The following ABL1 variants were observed in gnomAD, a reference collection of about 807,000 sequenced individuals.
ABL1 encodes the protein tyrosine-protein kinase ABL1.
ABL1 carries 11 observed loss-of-function variants against 94.7 expected under a neutral mutation model. The ratio of observed to expected loss-of-function variants is 0.12; its 90% CI spans 0.07 to 0.19. The LOEUF is 0.19. Among genes scored for constraint, ABL1 ranks in the 10% least tolerant of loss-of-function variants. The probability of loss-of-function intolerance (pLI) is 1.00; values close to 1 mark genes in which losing one functional copy is unlikely to be tolerated. For synonymous variants in ABL1, 656 were observed against 622.4 expected, an observed-to-expected ratio of 1.05 and a Z score of -0.80; for missense variants, 1,082 against 1,489.4, an observed-to-expected ratio of 0.73 and a Z score of 4.50.
At chr9:130,867,768 C>T (rs1397048820) in intron 4 of ABL1, among the ~76,000 whole-genome samples, 3 of 152,214 alleles carry the variant, frequency 2.0e-5, no homozygotes, top group African/African-American at 4.8e-5. Flanking sequence ...CCAGGTTGCA[C>T]TTGCTCTTGC....
chr9:130,713,499 C>T (rs1026492340), exon 1 of ABL1, among the ~76,000 whole-genome samples: 2 of 150,542 alleles, frequency 1.3e-5, no homozygotes, highest in African/African-American at 4.9e-5. Flanking sequence ...CAAGCCGCCC[C>T]TTATTCCGGA....
chr9:130,855,188 C>T, intron 3 of ABL1, 92 bp downstream of exon 3: 2 of 1,399,626 alleles, frequency 1.4e-6, no homozygotes, highest in African/African-American at 2.9e-5. Context: ...CAAGAAAGCT[C>T]AACCAAGAAG....
chr9:130,731,656 A>C (rs1456442781), intron 1 of ABL1, among the ~76,000 whole-genome samples: 3 of 152,276 alleles, frequency 2.0e-5, no homozygotes, highest in Middle Eastern at 3.4e-3. Flanking sequence ...ACAATGTATT[A>C]CTGTAGCTTT....
chr9:130,875,522 GT>G, intron 7 of ABL1, among the ~76,000 whole-genome samples: 1 of 151,304 alleles, frequency 6.6e-6, no homozygotes, highest in Admixed American at 6.6e-5. Context: ...GATCTGTTAA[GT>G]CTCCTCTATA....
chr9:130,872,260 C>A lies in ABL1; in HGVS notation c.907+47C>A, dbSNP rs1831263118. The A allele has an allele frequency of 6.5e-7, 1 of 1,545,620 alleles. No individual in the cohort carries two copies. Among genetic ancestry groups the A allele is most frequent in the East Asian group, 2.3e-5 (1 of 43,992 alleles). ...AAGAGAGGGTCTCGCGCCGCACCCC[C>A]AGGGTGACACAGGCGCTGGGGAAGA... On this transcript the variant is annotated intron_variant, in intron 5 of 10. Coordinates refer to ENST00000318560, the MANE Select transcript of ABL1 (RefSeq NM_005157.6). This position sits in a 1 kb window ranked among gnomAD's most constrained non-coding sequence, Gnocchi z 5.0.
At chr9:130,838,143 A>G (rs1278106089) in intron 1 of ABL1, among the ~76,000 whole-genome samples, 1 of 152,222 alleles carries the variant, frequency 6.6e-6, no homozygotes, top group African/African-American at 2.4e-5. Flanking sequence ...TTTATAGATG[A>G]GGAAACTGAG....
At chr9:130,735,963 T>TA (rs1554757978) in intron 1 of ABL1, among the ~76,000 whole-genome samples, 14,208 of 75,896 alleles carry the variant, frequency 0.19, 1,043 homozygotes, top group Non-Finnish European at 0.23. Flanking sequence ...ATATATATAT[T>TA]TTTTTTTTTT....
At chr9:130,860,509 T>C (rs1831054187) in intron 3 of ABL1, among the ~76,000 whole-genome samples, 2 of 152,154 alleles carry the variant, frequency 1.3e-5, no homozygotes, top group Admixed American at 6.5e-5. Flanking sequence ...CATTCCACTT[T>C]GGAGTGAAGG....
chr9:130,795,966 C>A (rs1331788583), intron 1 of ABL1, among the ~76,000 whole-genome samples: 1 of 147,432 alleles, frequency 6.8e-6, no homozygotes, highest in Admixed American at 6.7e-5. Context: ...CCGAGGCTGG[C>A]GGATCACCTG....
intron 1 of ABL1, among the ~76,000 whole-genome samples, chr9:130,851,732 A>C (rs1334664206): frequency 6.7e-6 from 1 of 150,076 alleles, no homozygotes; most frequent in Non-Finnish European, 1.5e-5. Flanking sequence ...TAGATCCTTC[A>C]GTTCTTTTCA....
intron 1 of ABL1, among the ~76,000 whole-genome samples, chr9:130,733,874 G>A (rs1588215023): frequency 6.6e-6 from 1 of 151,998 alleles, no homozygotes; most frequent in East Asian, 1.9e-4. Flanking sequence ...ACAGGTGTGA[G>A]CCACTACGCC....
intron 1 of ABL1, among the ~76,000 whole-genome samples, chr9:130,735,463 AT>A (rs918033703): frequency 6.6e-6 from 1 of 150,732 alleles, no homozygotes; most frequent in African/African-American, 2.4e-5. Context: ...CCTCTGGAAA[AT>A]TTTTTGTGTG....
At chr9:130,841,321 A>T (rs540564122) in intron 1 of ABL1, among the ~76,000 whole-genome samples, 1 of 151,468 alleles carries the variant, frequency 6.6e-6, no homozygotes, top group Non-Finnish European at 1.5e-5. Flanking sequence ...GTTAGCCAGG[A>T]TGGTCTCCAT....
At chr9:130,879,303 C>A (rs934752076) in intron 8 of ABL1, among the ~76,000 whole-genome samples, 2 of 152,202 alleles carry the variant, frequency 1.3e-5, no homozygotes, top group Non-Finnish European at 2.9e-5. Context: ...TGTTTTCCCA[C>A]ACATGTCTTT....
chr9:130,883,495 CA>C (rs796536168), intron 10 of ABL1, among the ~76,000 whole-genome samples: 264 of 122,174 alleles, frequency 2.2e-3, no homozygotes, highest in African/African-American at 2.9e-3. Context: ...GACTCCAACT[CA>C]AAAAAAAAAA....
At chr9:130,716,015 AATAT>A (rs1208184824) in intron 1 of ABL1, among the ~76,000 whole-genome samples, 1 of 144,192 alleles carries the variant, frequency 6.9e-6, no homozygotes, top group African/African-American at 2.5e-5. Context: ...AAACAAACTA[AATAT>A]ATATATACAC....
At chr9:130,761,877 T>C (rs908337125) in intron 1 of ABL1, among the ~76,000 whole-genome samples, 2 of 152,216 alleles carry the variant, frequency 1.3e-5, no homozygotes, top group Non-Finnish European at 2.9e-5. Context: ...GCTCAGTGGC[T>C]CACACCTGTA....
At chr9:130,792,185 T>TAGGACACACC (rs1373718535) in intron 1 of ABL1, among the ~76,000 whole-genome samples, 1 of 152,140 alleles carries the variant, frequency 6.6e-6, no homozygotes, top group Admixed American at 6.5e-5. Flanking sequence ...GGAGAAGGCC[T>TAGGACACACC]ACCTTTTTCC....
In ABL1 at chr9:130,724,560, A is replaced by G. The variant is rs564634947; in HGVS notation, c.136+10105A>G. On this transcript the variant is annotated intron_variant, in intron 1 of 10. Coordinates refer to the ABL1 transcript ENST00000372348. ...CTCGGTGGCTCATGCCTGTAATCCC[A>G]GCACTTTAGGAGGCCAAGATGGGCG... is the stretch of plus-strand genomic sequence containing the variant. 1.8e-3 allele frequency among the ~76,000 whole-genome samples: 266 copies of G among 151,912 alleles called. 3 individuals are homozygous for G. The highest frequency in any genetic ancestry group is 1.7e-3 in the South Asian group (8 of 4,792).
Sources: gnomAD v4.1 joint callset for allele counts (sites outside exome capture counted in the v4.1 genomes callset) on GRCh38, gnomAD v4.1.1 for gene constraint, Gnocchi (gnomAD v3.1) non-coding constraint, MANE v1.5 for transcripts, NCBI Gene and HGNC (gene_info 2026-07-23, HGNC 2026-07-21) for gene names.